The following ACSS3 variants were observed in gnomAD, a reference collection of about 807,000 sequenced individuals.
ACSS3 encodes acyl-CoA synthetase short chain family member 3, also known as acyl-CoA synthetase short-chain family member 3, mitochondrial.
In ACSS3, 64 loss-of-function variants were observed where a neutral mutation model predicts 84.2. The ratio of observed to expected loss-of-function variants is 0.76; its 90% CI spans 0.62 to 0.94. The LOEUF is 0.94. Among genes scored for constraint, ACSS3 ranks in the 40% least tolerant of loss-of-function variants. The pLI, the probability that ACSS3 is intolerant of heterozygous loss-of-function variation, is 0.00. For missense variants in ACSS3, 815 were observed against 867.6 expected (o/e 0.94, Z 0.76); for synonymous variants, 317 against 310.1 (o/e 1.02, Z -0.23).
chr12:81,148,171 CTT>C lies in ACSS3; in HGVS notation c.922-3672_922-3671del, dbSNP rs535438676. On this transcript the variant is annotated intron_variant, in intron 5 of 15. Transcript: ENST00000548058. ...ATTTAAAGACCATTAAAAAAAAAAA[CTT>C]ATATTTTTACAATGAAGAATCCCAA... Among the ~76,000 whole-genome samples the C allele has an allele frequency of 8.6e-5, 13 of 150,628 alleles. No homozygotes were observed. The South Asian group carries it at 2.1e-3, about 24-fold the overall frequency.
chr12:81,210,142 T>G (rs1166593904), intron 9 of ACSS3, among the ~76,000 whole-genome samples: 2 of 152,164 alleles, frequency 1.3e-5, no homozygotes, highest in Admixed American at 6.6e-5. Flanking sequence ...TCAGCCCCTA[T>G]TCAAGATGGA....
rs2034824357 is a variant in ACSS3 at position 81,259,964 on chromosome 12, T to C, written c.*5042T>C. On this transcript the variant is annotated 3_prime_UTR_variant, in exon 16 of 16. Transcript: ENST00000548058. ...GCCTTCTGAAAAATTTACAACTTGC[T>C]AATTAATAAATTGGGTTGAATTGAC... 1 of 246,832 alleles carries C rather than the reference T, an allele frequency of 4.1e-6. No individual in the cohort carries two copies. Among genetic ancestry groups the C allele is most frequent in the Non-Finnish European group, 7.7e-6 (1 of 129,840 alleles). 15.3% of individuals were successfully genotyped at this position (246,832 alleles called of 1,614,324 possible).
chr12:81,200,371 A>G (rs1321274609), intron 9 of ACSS3, among the ~76,000 whole-genome samples: 1 of 152,152 alleles, frequency 6.6e-6, no homozygotes, highest in Non-Finnish European at 1.5e-5. Flanking sequence ...TTATATACAT[A>G]TTTTCAGTAT....
chr12:81,172,887 A>G (rs1298025913), intron 7 of ACSS3, among the ~76,000 whole-genome samples: 1 of 152,176 alleles, frequency 6.6e-6, no homozygotes, highest in East Asian at 1.9e-4. Context: ...GTAGAATTCA[A>G]TTTCAGTTGG....
At chr12:81,128,022 G>A (rs745651875) in intron 2 of ACSS3, among the ~76,000 whole-genome samples, 94 of 152,070 alleles carry the variant, frequency 6.2e-4, no homozygotes, top group African/African-American at 2.2e-3. Flanking sequence ...ATAGCAATAT[G>A]TTTTCATTTT....
chr12:81,170,930 A>T (rs7488876), intron 7 of ACSS3, among the ~76,000 whole-genome samples: 1 of 152,130 alleles, frequency 6.6e-6, no homozygotes, highest in Non-Finnish European at 1.5e-5. Flanking sequence ...CCATTGAGCC[A>T]CTTTTATTTA....
intron 3 of ACSS3, among the ~76,000 whole-genome samples, chr12:81,137,505 G>A (rs1885872387): frequency 6.6e-6 from 1 of 151,956 alleles, no homozygotes; most frequent in South Asian, 2.1e-4. Context: ...GTTGAAATTA[G>A]GAATGATTTT....
chr12:81,230,900 C>T (rs887013400), intron 11 of ACSS3, among the ~76,000 whole-genome samples, 157 bp from the exon 12 acceptor site: 1 of 151,748 alleles, frequency 6.6e-6, no homozygotes. Context: ...CTACATAAAC[C>T]TCTGTTAGAC....
intron 13 of ACSS3, among the ~76,000 whole-genome samples, chr12:81,246,334 G>C (rs1262003349): frequency 6.6e-6 from 1 of 152,136 alleles, no homozygotes; most frequent in Non-Finnish European, 1.5e-5. Context: ...ATCTGAAGTA[G>C]GGAGGACAAA....
chr12:81,111,222 A>C (rs1883552835), intron 2 of ACSS3, among the ~76,000 whole-genome samples: 1 of 152,202 alleles, frequency 6.6e-6, no homozygotes, highest in Non-Finnish European at 1.5e-5. Flanking sequence ...GGAGTTAAGA[A>C]GAACCCACAA....
At chr12:81,194,135 T>G (rs2031712962) in intron 8 of ACSS3, among the ~76,000 whole-genome samples, 1 of 151,780 alleles carries the variant, frequency 6.6e-6, no homozygotes, top group East Asian at 1.9e-4. Context: ...ATGCCTAAGA[T>G]AACTATAAAA....
intron 1 of ACSS3, among the ~76,000 whole-genome samples, chr12:81,106,436 T>C (rs1400220194): frequency 6.6e-6 from 1 of 152,198 alleles, no homozygotes; most frequent in East Asian, 1.9e-4. Flanking sequence ...TGGTGAGTTG[T>C]ATAATTATTT....
intron 9 of ACSS3, 28 bp downstream of exon 9, chr12:81,199,472 A>G (rs775983667): frequency 6.2e-5 from 99 of 1,590,344 alleles, no homozygotes; most frequent in Non-Finnish European, 7.9e-5. Context: ...ATGTACATAA[A>G]TAGTAAAGAA....
In ACSS3 at chr12:81,233,367, G is replaced by T; in HGVS notation, c.1615G>T (p.Asp539Tyr). The T allele has an allele frequency of 6.2e-7, 1 of 1,610,384 alleles. No individual in the cohort carries two copies. The highest frequency in any genetic ancestry group is 8.5e-7 in the Non-Finnish European group (1 of 1,177,434). ...TTTTCAGGGATATTATGATACCATGGATGCTGGTTACATGGATGAAGAAGG... is the reference window on the plus strand; with the variant it reads ...TTTTCAGGGATATTATGATACCATGTATGCTGGTTACATGGATGAAGAAGG... ...EKFPGYYDTM[D>Y]AGYMDEEGYL... The change falls in exon 13 of 16, where the codon GAT (aspartate) becomes TAT (tyrosine). Residue 539 changes from aspartate to tyrosine, a missense_variant. Physicochemically the swap from Asp to Tyr is radical, Grantham distance 160 (BLOSUM62 -3). Transcript: ENST00000548058.
rs550125414 is a variant in ACSS3 at position 81,196,379 on chromosome 12, C to T, written c.1251-2962C>T. Among the ~76,000 whole-genome samples, 35 of 152,222 alleles carry T rather than the reference C, an allele frequency of 2.3e-4. No homozygotes were observed. The South Asian group carries it at 7.2e-3, about 32-fold the overall frequency. ...GTATTTAAAAAAGACTGGAAGATGT[C>T]TCACCAGTAATTTTTATATTCATTG... On this transcript the variant is annotated intron_variant, in intron 8 of 15. Coordinates refer to ENST00000548058, the MANE Select transcript of ACSS3 (RefSeq NM_024560.4).
Position 81,109,718 on chromosome 12 carries a change from C to G in ACSS3, c.456+14C>G. ...GTTCTGGAGCAGGTAATATCATAAACTTTATATATGTATATATGAATTCAT... is the reference window on the plus strand; with the variant it reads ...GTTCTGGAGCAGGTAATATCATAAAGTTTATATATGTATATATGAATTCAT... On this transcript the variant is annotated intron_variant, in intron 2 of 15. Transcript: ENST00000548058. 6.4e-7 allele frequency: 1 copy of G among 1,566,046 alleles called. No individual in the cohort carries two copies. Among genetic ancestry groups the G allele is most frequent in the Non-Finnish European group, 8.6e-7 (1 of 1,156,600 alleles).
At chr12:81,245,074 A>G (rs2033938175) in intron 13 of ACSS3, among the ~76,000 whole-genome samples, 1 of 152,188 alleles carries the variant, frequency 6.6e-6, no homozygotes, top group Admixed American at 6.5e-5. Flanking sequence ...GAGGAGAAGT[A>G]TTCTGTACTC....
At chr12:81,183,015 G>C (rs1267800856) in intron 8 of ACSS3, among the ~76,000 whole-genome samples, 1 of 152,048 alleles carries the variant, frequency 6.6e-6, no homozygotes, top group South Asian at 2.1e-4. Flanking sequence ...ATTTTAACTG[G>C]CAAAGGGTCC....
At chr12:81,253,896 A>T (rs2034226184) in intron 15 of ACSS3, among the ~76,000 whole-genome samples, 1 of 152,090 alleles carries the variant, frequency 6.6e-6, no homozygotes. Flanking sequence ...TGCTTTGATG[A>T]TAAGAACCAA....
Sources: allele counts gnomAD v4.1 joint callset (sites outside exome capture counted in the v4.1 genomes callset), GRCh38; gene constraint gnomAD v4.1.1; transcripts MANE v1.5; gene names NCBI Gene and HGNC (gene_info 2026-07-23, HGNC 2026-07-21).